Variants in WWOX observed in about 807,000 individuals in gnomAD.
WWOX encodes WW domain-containing oxidoreductase.
In WWOX, 69 loss-of-function variants were observed where a neutral mutation model predicts 46.2. That is an observed-to-expected ratio of 1.49 (90% CI 1.23 to 1.82). WWOX has a LOEUF of 1.82. Among genes scored for constraint, WWOX ranks in the 40% most tolerant of loss-of-function variants. The probability of loss-of-function intolerance (pLI) is 0.00; values close to 1 mark genes in which losing one functional copy is unlikely to be tolerated. For missense variants in WWOX, 919 were observed against 542.6 expected, an observed-to-expected ratio of 1.69 and a Z score of -6.89; for synonymous variants, 359 against 202.6, an observed-to-expected ratio of 1.77 and a Z score of -6.56.
chr16:78,639,448 TG>T (rs1410937968), intron 8 of WWOX, among the ~76,000 whole-genome samples: 2 of 151,920 alleles, frequency 1.3e-5, no homozygotes, highest in African/African-American at 4.8e-5. Context: ...AAAGTAAGAG[TG>T]TTTGAGATCC....
rs535449786 is a variant in WWOX at position 78,463,440 on chromosome 16, T to C, written c.1056+30688T>C. ...TTTCCATGCCTCGCAGCAAAATTTT[T>C]CTTTAAATTCACAGAAGCAGCAGCT... On this transcript the variant is annotated intron_variant, in intron 8 of 8. Coordinates refer to ENST00000566780, the MANE Select transcript of WWOX (RefSeq NM_016373.4). Among the ~76,000 whole-genome samples, 12 of 152,306 alleles carry C rather than the reference T, an allele frequency of 7.9e-5. No homozygotes were observed. The East Asian group carries it at 2.1e-3, about 27-fold the overall frequency.
intron 8 of WWOX, among the ~76,000 whole-genome samples, chr16:79,160,089 G>A (rs2150748037): frequency 6.6e-6 from 1 of 152,292 alleles, no homozygotes; most frequent in East Asian, 1.9e-4. Context: ...TGAGAGTGCT[G>A]GCATCAAGCA....
intron 8 of WWOX, among the ~76,000 whole-genome samples, chr16:78,876,875 A>G (rs886657889): frequency 1.3e-5 from 2 of 152,224 alleles, no homozygotes; most frequent in African/African-American, 4.8e-5. Flanking sequence ...AGTTTGGGGC[A>G]TAAAATAAGA....
intron 8 of WWOX, among the ~76,000 whole-genome samples, chr16:78,884,939 C>A (rs746294782): frequency 6.6e-6 from 1 of 152,146 alleles, no homozygotes; most frequent in East Asian, 1.9e-4. Flanking sequence ...CCCATCAATT[C>A]ATGTTACCCA....
chr16:78,848,534 G>T (rs1049855402), intron 8 of WWOX, among the ~76,000 whole-genome samples: 1 of 152,200 alleles, frequency 6.6e-6, no homozygotes, highest in Non-Finnish European at 1.5e-5. Context: ...GGAATGGAAA[G>T]TCCTTTATGT....
chr16:79,201,179 T>C (rs2150829857), intron 8 of WWOX, among the ~76,000 whole-genome samples: 1 of 152,162 alleles, frequency 6.6e-6, no homozygotes, highest in South Asian at 2.1e-4. Context: ...TTTCCTACCA[T>C]CCCATATTGC....
chr16:78,908,977 A>C (rs954844662), intron 8 of WWOX, among the ~76,000 whole-genome samples: 2 of 152,226 alleles, frequency 1.3e-5, no homozygotes, highest in African/African-American at 4.8e-5. Flanking sequence ...TTAGTCCTGC[A>C]AAGGCAGTCT....
chr16:79,165,642 T>G (rs556046014), intron 8 of WWOX, among the ~76,000 whole-genome samples: 1 of 152,164 alleles, frequency 6.6e-6, no homozygotes, highest in East Asian at 1.9e-4. Flanking sequence ...TCCAGAAGAT[T>G]CTGCCTACAG....
chr16:78,278,485 C>A, intron 5 of WWOX: 1 of 1,017,904 alleles, frequency 9.8e-7, no homozygotes, highest in East Asian at 2.7e-5. Flanking sequence ...TTTTATTTAA[C>A]CAGCTTGAAT....
At chr16:78,945,478 G>A (rs574462031) in intron 8 of WWOX, among the ~76,000 whole-genome samples, 1 of 152,200 alleles carries the variant, frequency 6.6e-6, no homozygotes, top group African/African-American at 2.4e-5. Context: ...AAAGTTTTGG[G>A]GTTTGTTTTG....
intron 8 of WWOX, among the ~76,000 whole-genome samples, chr16:79,077,080 A>G (rs1367958481): frequency 2.0e-5 from 3 of 152,304 alleles, no homozygotes; most frequent in South Asian, 4.1e-4. Context: ...TCCAGGTCTC[A>G]TAGCAAAAAG....
chr16:79,202,473 C>T (rs911781866), intron 8 of WWOX, among the ~76,000 whole-genome samples: 1 of 151,944 alleles, frequency 6.6e-6, no homozygotes, highest in Non-Finnish European at 1.5e-5. Context: ...TTTAGGAAAC[C>T]CAAAGAAAGT....
intron 4 of WWOX, among the ~76,000 whole-genome samples, chr16:78,115,954 C>T (rs555104848): frequency 4.5e-4 from 69 of 152,250 alleles, no homozygotes; most frequent in African/African-American, 1.6e-3. Flanking sequence ...CTCACACGGC[C>T]CCCTTGATGC....
chr16:78,365,306 G>C (rs771449076), intron 5 of WWOX, among the ~76,000 whole-genome samples: 11 of 152,148 alleles, frequency 7.2e-5, no homozygotes, highest in Non-Finnish European at 1.3e-4. Flanking sequence ...CTAATGCCGT[G>C]AGCCAGCTGT....
At chr16:78,719,050 T>G (rs1464781561) in intron 8 of WWOX, among the ~76,000 whole-genome samples, 3 of 152,104 alleles carry the variant, frequency 2.0e-5, no homozygotes, top group Non-Finnish European at 4.4e-5. Flanking sequence ...AGAACTTAGT[T>G]CCAACAGAGC....
chr16:78,909,744 G>C (rs941353391), intron 8 of WWOX, among the ~76,000 whole-genome samples: 7 of 152,164 alleles, frequency 4.6e-5, no homozygotes, highest in African/African-American at 1.7e-4. Context: ...ATTTTAAATG[G>C]AACAGGGAGG....
At chr16:78,476,304 CA>C (rs1786989836) in intron 8 of WWOX, among the ~76,000 whole-genome samples, 1 of 152,158 alleles carries the variant, frequency 6.6e-6, no homozygotes, top group Non-Finnish European at 1.5e-5. Context: ...ATCCTTCGCC[CA>C]CTTGGGTGGA....
At chr16:78,177,922 C>G (rs560162309) in intron 5 of WWOX, among the ~76,000 whole-genome samples, 1 of 152,198 alleles carries the variant, frequency 6.6e-6, no homozygotes, top group African/African-American at 2.4e-5. Context: ...CGTCCATCCA[C>G]GGAGCCTCAA....
intron 8 of WWOX, among the ~76,000 whole-genome samples, chr16:78,541,257 G>A (rs1212644615): frequency 6.6e-6 from 1 of 151,364 alleles, no homozygotes; most frequent in South Asian, 2.1e-4. Context: ...GGCGGATCAC[G>A]AGGTCAGGAG....
Sources: allele counts gnomAD v4.1 joint callset (sites outside exome capture counted in the v4.1 genomes callset), GRCh38; gene constraint gnomAD v4.1.1; transcripts MANE v1.5; gene names NCBI Gene and HGNC (gene_info 2026-07-23, HGNC 2026-07-21).